Variants in GREM2 observed in about 807,000 individuals in gnomAD.
GREM2 encodes the protein gremlin 2, DAN family BMP antagonist.
GREM2 carries 11 observed loss-of-function variants against 14.2 expected under a neutral mutation model. The ratio of observed to expected loss-of-function variants is 0.78; its 90% CI spans 0.49 to 1.28. The LOEUF is 1.28. Ranked by LOEUF, GREM2 falls within the 50% of genes most tolerant of loss-of-function variation. The pLI is 0.00. For missense variants in GREM2, 210 were observed against 218.5 expected (o/e 0.96, Z 0.24); for synonymous variants, 98 against 97.6 (o/e 1.00, Z -0.02).
intron 1 of GREM2, among the ~76,000 whole-genome samples, chr1:240,597,103 G>A (rs1679833395): frequency 6.6e-6 from 1 of 152,196 alleles, no homozygotes; most frequent in Non-Finnish European, 1.5e-5. Flanking sequence ...TTTTTCCAAA[G>A]AACTACACCT....
intron 1 of GREM2, among the ~76,000 whole-genome samples, chr1:240,568,806 T>A (rs1023097822): frequency 2.0e-5 from 3 of 152,168 alleles, no homozygotes; most frequent in Non-Finnish European, 2.9e-5. Context: ...AAGTAACATA[T>A]AAATTTAGCA....
At chr1:240,607,293 T>C (rs905667433) in intron 1 of GREM2, among the ~76,000 whole-genome samples, 2 of 152,050 alleles carry the variant, frequency 1.3e-5, no homozygotes, top group Non-Finnish European at 2.9e-5. Flanking sequence ...TGGAAACAGG[T>C]GCAAACCCAG....
intron 1 of GREM2, among the ~76,000 whole-genome samples, chr1:240,563,299 G>T (rs1191634364): frequency 6.6e-6 from 1 of 152,030 alleles, no homozygotes; most frequent in African/African-American, 2.4e-5. Context: ...GCGCTGCAGT[G>T]TTCTAAAAAA....
chr1:240,498,144 T>C (rs1050931011), intron 1 of GREM2, among the ~76,000 whole-genome samples: 2 of 152,190 alleles, frequency 1.3e-5, no homozygotes, highest in East Asian at 1.9e-4. Flanking sequence ...CAAAACCTCT[T>C]AGGGCCAATA....
At chr1:240,502,935 G>A (rs1287067002) in intron 1 of GREM2, among the ~76,000 whole-genome samples, 2 of 152,188 alleles carry the variant, frequency 1.3e-5, no homozygotes, top group African/African-American at 2.4e-5. Flanking sequence ...GTAACTGTGA[G>A]GCAAGGTGCA....
chr1:240,494,717 C>T (rs1417161807), intron 1 of GREM2, among the ~76,000 whole-genome samples: 1 of 151,902 alleles, frequency 6.6e-6, no homozygotes, highest in Non-Finnish European at 1.5e-5. Flanking sequence ...CTGGCTAACA[C>T]GGTGAAACCC....
At chr1:240,605,919 T>C (rs1179594681) in intron 1 of GREM2, among the ~76,000 whole-genome samples, 1 of 152,178 alleles carries the variant, frequency 6.6e-6, no homozygotes, top group Non-Finnish European at 1.5e-5. Context: ...AAAAAATTAA[T>C]TGATTTTTCA....
At chr1:240,507,412 C>A (rs1273215721) in intron 1 of GREM2, among the ~76,000 whole-genome samples, 1 of 151,912 alleles carries the variant, frequency 6.6e-6, no homozygotes, top group African/African-American at 2.4e-5. Flanking sequence ...CTCACTGCAA[C>A]CTCCGCCTCC....
rs897622820 is a variant in GREM2, at chr1:240,563,086, TGTGTATGC to T, written c.-2+48790_-2+48797del. On this transcript the variant is annotated intron_variant, in intron 1 of 1. Transcript: ENST00000318160. ...GTGTGTATGTGTGTATATGTGAGTGTGTGTATGCGTGTATGTGTGTATGTGTGTATATG... is the reference window on the plus strand; with the variant it reads ...GTGTGTATGTGTGTATATGTGAGTGTGTGTATGTGTGTATGTGTGTATATG... 1.2e-4 allele frequency among the ~76,000 whole-genome samples: 18 copies of T among 151,332 alleles called. No individual in the cohort carries two copies. The South Asian group carries it at 3.6e-3, about 30-fold the overall frequency.
chr1:240,509,778 A>G (rs74149150), intron 1 of GREM2, among the ~76,000 whole-genome samples: 1,881 of 152,268 alleles, frequency 0.012, 36 homozygotes, highest in African/African-American at 0.043. Context: ...GCGGAAGAGA[A>G]TCTGTAGGCA....
In GREM2 at chr1:240,493,166, A is replaced by T; in HGVS notation, c.310T>A (p.Phe104Ile). 1 of 1,614,150 alleles carries T rather than the reference A, an allele frequency of 6.2e-7. No individual in the cohort carries two copies. Among genetic ancestry groups the T allele is most frequent in the Non-Finnish European group, 8.5e-7 (1 of 1,180,014 alleles). The change falls in exon 2 of 2, where the codon TTC becomes ATC. Residue 104 changes from phenylalanine (F) to isoleucine (I), a missense_variant. Physicochemically the swap from Phe to Ile is conservative, Grantham distance 21. Coordinates refer to ENST00000318160, the MANE Select transcript of GREM2 (RefSeq NM_022469.4). Reference sequence around the variant, plus strand: ...TTCTTCACGTGCCGCGGGATGTAGAAGGAGTTGCACTGGCCGTAGCAGAAG... The same window carrying T: ...TTCTTCACGTGCCGCGGGATGTAGATGGAGTTGCACTGGCCGTAGCAGAAG... ...NRFCYGQCNS[F>I]YIPRHVKKEE...
chr1:240,583,221 C>CT (rs1233531527), intron 1 of GREM2, among the ~76,000 whole-genome samples: 14 of 152,010 alleles, frequency 9.2e-5, no homozygotes, highest in Admixed American at 9.2e-4. Flanking sequence ...GAAAATGTTG[C>CT]TTATGTGGCA....
chr1:240,554,063 C>T (rs1287161655), intron 1 of GREM2, among the ~76,000 whole-genome samples: 1 of 152,070 alleles, frequency 6.6e-6, no homozygotes, highest in Non-Finnish European at 1.5e-5. Context: ...AGGGTATTGC[C>T]TTCCACTCTG....
At chr1:240,550,756 T>G (rs1678831889) in intron 1 of GREM2, among the ~76,000 whole-genome samples, 1 of 152,224 alleles carries the variant, frequency 6.6e-6, no homozygotes, top group South Asian at 2.1e-4. Context: ...TGTAAATATT[T>G]TTGTTACAAG....
At chr1:240,535,747 C>T (rs1254565982) in intron 1 of GREM2, among the ~76,000 whole-genome samples, 4 of 143,472 alleles carry the variant, frequency 2.8e-5, no homozygotes, top group Admixed American at 1.5e-4. Flanking sequence ...TGCAGTGAGC[C>T]GAGATTGTGC....
At chr1:240,572,439 T>G (rs1196111668) in intron 1 of GREM2, among the ~76,000 whole-genome samples, 1 of 152,216 alleles carries the variant, frequency 6.6e-6, no homozygotes, top group Non-Finnish European at 1.5e-5. Flanking sequence ...TTGTTTGCAT[T>G]CTATGAAATT....
chr1:240,603,834 T>TTA (rs145566989), intron 1 of GREM2, among the ~76,000 whole-genome samples: 18,709 of 149,606 alleles, frequency 0.13, 1,256 homozygotes, highest in East Asian at 0.17. Flanking sequence ...TATATGTATT[T>TTA]TATATATATA....
At chr1:240,584,088 CA>C (rs1679541911) in intron 1 of GREM2, among the ~76,000 whole-genome samples, 1 of 151,814 alleles carries the variant, frequency 6.6e-6, no homozygotes, top group African/African-American at 2.4e-5. Context: ...CAACCAAACT[CA>C]GATCAAAAAT....
At chr1:240,600,130 GA>G (rs1679894019) in intron 1 of GREM2, among the ~76,000 whole-genome samples, 1 of 152,184 alleles carries the variant, frequency 6.6e-6, no homozygotes, top group African/African-American at 2.4e-5. Context: ...TGGGAATGAG[GA>G]AACCTGGGTT....
Sources: gnomAD v4.1 joint callset for allele counts (sites outside exome capture counted in the v4.1 genomes callset) on GRCh38, gnomAD v4.1.1 for gene constraint, MANE v1.5 for transcripts, NCBI Gene and HGNC (gene_info 2026-07-23, HGNC 2026-07-21) for gene names.